The following MACF1 variants were observed in gnomAD, a reference collection of about 807,000 sequenced individuals.
MACF1 encodes microtubule actin crosslinking factor 1.
A neutral mutation model predicts 854.8 loss-of-function variants in MACF1; 193 were observed. The ratio of observed to expected loss-of-function variants is 0.23; its 90% CI spans 0.20 to 0.25. The LOEUF (loss-of-function observed/expected upper bound fraction) is 0.25. Among genes scored for constraint, MACF1 ranks in the 10% least tolerant of loss-of-function variants. The pLI, the probability that MACF1 is intolerant of heterozygous loss-of-function variation, is 1.00. For synonymous variants in MACF1, 3,185 were observed against 3,226.7 expected (o/e 0.99, Z 0.44); for missense variants, 7,722 against 8,929.1 (o/e 0.86, Z 5.45).
At chr1:39,211,743 C>T (rs917151686) in intron 1 of MACF1, among the ~76,000 whole-genome samples, 1 of 151,882 alleles carries the variant, frequency 6.6e-6, no homozygotes, top group Non-Finnish European at 1.5e-5. Flanking sequence ...TAGCCAGGTG[C>T]TGTGGTGGGC....
chr1:39,214,690 C>G (rs1644555140), intron 1 of MACF1, among the ~76,000 whole-genome samples: 1 of 152,184 alleles, frequency 6.6e-6, no homozygotes, highest in African/African-American at 2.4e-5. Context: ...CTGACTCTTC[C>G]CTTTTGGCAG....
At chr1:39,149,805 CA>C (rs1639698867) in intron 2 of MACF1, among the ~76,000 whole-genome samples, 1 of 152,108 alleles carries the variant, frequency 6.6e-6, no homozygotes, top group Admixed American at 6.5e-5. Flanking sequence ...CTAAGCCAGA[CA>C]AAACTGTCTT....
chr1:39,220,292 C>A (rs1480318817), intron 1 of MACF1, among the ~76,000 whole-genome samples: 1 of 151,834 alleles, frequency 6.6e-6, no homozygotes, highest in Non-Finnish European at 1.5e-5. Flanking sequence ...CCTACCTCAG[C>A]CTCCTGAGTA....
intron 1 of MACF1, among the ~76,000 whole-genome samples, chr1:39,222,933 A>G (rs1349325866): frequency 6.6e-6 from 1 of 152,206 alleles, no homozygotes; most frequent in African/African-American, 2.4e-5. Context: ...TTGGATCAGA[A>G]CATAGAATTT....
At chr1:39,190,781 G>A (rs1644246360) in intron 2 of MACF1, among the ~76,000 whole-genome samples, 1 of 152,100 alleles carries the variant, frequency 6.6e-6, no homozygotes, top group African/African-American at 2.4e-5. Flanking sequence ...GATCACTTGA[G>A]GCCAGGAGTT....
At chr1:39,188,623 TATTG>T (rs747626743) in intron 2 of MACF1, among the ~76,000 whole-genome samples, 17 of 152,240 alleles carry the variant, frequency 1.1e-4, no homozygotes, top group Admixed American at 4.6e-4. Flanking sequence ...TGTCAAAGTT[TATTG>T]ATTGATTGAT....
At position 39,485,861 on chromosome 1, in the gene MACF1, A is replaced by G. The variant is rs1461293614; in HGVS notation, c.*67A>G. ...TGCTCCATACATTGGGTGTATATTT[A>G]TTCTGAACGGGAGAAGTTATATTGT... On this transcript the variant is annotated 3_prime_UTR_variant, in exon 101 of 101. Transcript: ENST00000564288. 1 of 1,438,436 alleles carries G rather than the reference A, an allele frequency of 7.0e-7. No individual in the cohort carries two copies. The highest frequency in any genetic ancestry group is 9.2e-7 in the Non-Finnish European group (1 of 1,083,372). 89.1% of individuals were successfully genotyped at this position (1,438,436 alleles called of 1,614,324 possible). A position where few individuals can be genotyped will look rare whatever the true frequency, so the allele number is the denominator to read the frequency against.
intron 35 of MACF1, among the ~76,000 whole-genome samples, chr1:39,326,812 C>A (rs953100931): frequency 6.6e-6 from 1 of 151,766 alleles, no homozygotes; most frequent in Non-Finnish European, 1.5e-5. Context: ...ATTCTTCTGC[C>A]TGTTTAAAAT....
In MACF1 at chr1:39,447,593, TATG is replaced by T; in HGVS notation, c.19761+9_19761+11del. ...CCCAGATAGAAGAGCACAAGGTAAG[TATG>T]ATATTATGATGCTGCATTCTTTTTG... On this transcript the variant is annotated splice_region_variant and intron_variant, in intron 81 of 100. Coordinates refer to ENST00000564288, the MANE Select transcript of MACF1 (RefSeq NM_001394062.1). The T allele has an allele frequency of 6.2e-7, 1 of 1,614,030 alleles. No homozygotes were observed. Among genetic ancestry groups the T allele is most frequent in the Non-Finnish European group, 8.5e-7 (1 of 1,179,926 alleles).
intron 61 of MACF1, among the ~76,000 whole-genome samples, chr1:39,426,844 T>G (rs1000046028): frequency 4.6e-5 from 7 of 151,682 alleles, no homozygotes; most frequent in African/African-American, 9.7e-5. Context: ...TTCTTTTTTG[T>G]TTTTTTGCCT....
chr1:39,465,471 TGTATG>T (rs773167739), intron 95 of MACF1, among the ~76,000 whole-genome samples: 1 of 152,224 alleles, frequency 6.6e-6, no homozygotes, highest in South Asian at 2.1e-4. Context: ...AATTTTGTAA[TGTATG>T]GTAAGTCAAT....
intron 31 of MACF1, among the ~76,000 whole-genome samples, chr1:39,322,128 C>A (rs983656918): frequency 6.6e-6 from 1 of 152,104 alleles, no homozygotes; most frequent in Non-Finnish European, 1.5e-5. Flanking sequence ...TTAACACTTA[C>A]CCACTTAGTT....
intron 2 of MACF1, among the ~76,000 whole-genome samples, chr1:39,122,984 A>G (rs1642756046): frequency 6.6e-6 from 1 of 152,114 alleles, no homozygotes. Context: ...AGGAGGGAAT[A>G]GCAAAAGTAG....
At chr1:39,202,773 G>A (rs1324298495), upstream of MACF1, among the ~76,000 whole-genome samples, 1 of 152,002 alleles carries the variant, frequency 6.6e-6, no homozygotes, top group Non-Finnish European at 1.5e-5. Flanking sequence ...TCTCCTACTA[G>A]TATGTAAGTT....
Position 39,293,567 on chromosome 1 carries a change from A to G in MACF1, c.2102A>G (p.Tyr701Cys), listed in dbSNP as rs544785309. The change falls in exon 18 of 101, where the codon TAT (tyrosine) becomes TGT (cysteine). Residue 701 changes from tyrosine (Y) to cysteine (C), a missense_variant. Tyr to Cys is a radical substitution (Grantham distance 194, BLOSUM62 -2). Coordinates refer to ENST00000564288, the MANE Select transcript of MACF1 (RefSeq NM_001394062.1). ...LNEKEEEELA[Y>C]DWSDNNSNIS... ...GAGAAGGAGGAGGAGGAACTAGCAT[A>G]TGACTGGAGTGACAACAATTCCAAT... 2 of 1,613,950 alleles carry G rather than the reference A, an allele frequency of 1.2e-6. No homozygotes were observed. The highest frequency in any genetic ancestry group is 1.7e-6 in the Non-Finnish European group (2 of 1,179,888).
intron 44 of MACF1, among the ~76,000 whole-genome samples, chr1:39,356,130 C>T (rs1647541827): frequency 6.6e-6 from 1 of 152,066 alleles, no homozygotes; most frequent in African/African-American, 2.4e-5. Flanking sequence ...GGAAGAACAT[C>T]CCAATATATG....
chr1:39,362,108 G>A (rs1234550258), intron 49 of MACF1, among the ~76,000 whole-genome samples: 4 of 152,226 alleles, frequency 2.6e-5, no homozygotes, highest in African/African-American at 9.6e-5. Context: ...CCTAGAAGGT[G>A]CAAAGCTAGA....
rs139272593 is a variant in MACF1, at chr1:39,254,559, C to T, written c.435+184C>T. ...TTAGAGAAATCATTCAGTACTCACACAGAACTTGTGACCTCCTTGAGAGGA... is the reference window on the plus strand; with the variant it reads ...TTAGAGAAATCATTCAGTACTCACATAGAACTTGTGACCTCCTTGAGAGGA... On this transcript the variant is annotated intron_variant, in intron 5 of 100. Coordinates refer to ENST00000564288, the MANE Select transcript of MACF1 (RefSeq NM_001394062.1). The T allele has an allele frequency of 1.3e-5, 7 of 559,824 alleles. No homozygotes were observed. The African/African-American group carries it at 1.3e-4, about 11-fold the overall frequency. 34.7% of individuals were successfully genotyped at this position (559,824 alleles called of 1,614,324 possible).
intron 49 of MACF1, among the ~76,000 whole-genome samples, chr1:39,365,477 A>C (rs925661842): frequency 2.6e-5 from 4 of 152,168 alleles, no homozygotes; most frequent in African/African-American, 9.7e-5. Context: ...CAGATTAGGG[A>C]TGTTCAACTG....
Sources: allele counts gnomAD v4.1 joint callset (sites outside exome capture counted in the v4.1 genomes callset), GRCh38; gene constraint gnomAD v4.1.1; transcripts MANE v1.5; gene names NCBI Gene and HGNC (gene_info 2026-07-23, HGNC 2026-07-21).